The following GABRG3 variants were observed in gnomAD, a reference collection of about 807,000 sequenced individuals.
GABRG3 encodes gamma-aminobutyric acid receptor subunit gamma-3.
In GABRG3, 25 loss-of-function variants were observed where a neutral mutation model predicts 48.8. That is an observed-to-expected ratio of 0.51 (90% CI 0.37 to 0.72). The LOEUF is 0.72. Ranked by LOEUF, GABRG3 falls within the 30% of genes least tolerant of loss-of-function variation. The pLI is 0.00. For missense variants in GABRG3, 394 were observed against 577.9 expected, an observed-to-expected ratio of 0.68 and a Z score of 3.26; for synonymous variants, 227 against 217.6, an observed-to-expected ratio of 1.04 and a Z score of -0.38.
At chr15:27,194,566 C>T (rs1451277036) in intron 3 of GABRG3, among the ~76,000 whole-genome samples, 2 of 152,176 alleles carry the variant, frequency 1.3e-5, no homozygotes, top group Admixed American at 6.5e-5. Context: ...TTACTTTCAG[C>T]ACTTGAAATA....
chr15:27,029,610 G>T (rs553831475), intron 3 of GABRG3, among the ~76,000 whole-genome samples: 3 of 152,300 alleles, frequency 2.0e-5, no homozygotes, highest in Admixed American at 6.5e-5. Context: ...GTTGCTGTGT[G>T]TCTCTCTCTG....
chr15:27,525,912 A>G (rs2150864277), intron 7 of GABRG3, among the ~76,000 whole-genome samples: 1 of 152,178 alleles, frequency 6.6e-6, no homozygotes, highest in South Asian at 2.1e-4. Flanking sequence ...ATGTTTATGT[A>G]ATAAACATGT....
chr15:27,455,122 T>C (rs1889224415), intron 5 of GABRG3, among the ~76,000 whole-genome samples: 1 of 152,218 alleles, frequency 6.6e-6, no homozygotes, highest in African/African-American at 2.4e-5. Flanking sequence ...ATTCTTTTCA[T>C]TGAAGTCATT....
At chr15:26,991,994 A>C (rs977022135) in intron 2 of GABRG3, among the ~76,000 whole-genome samples, 2 of 152,138 alleles carry the variant, frequency 1.3e-5, no homozygotes, top group Admixed American at 1.3e-4. Context: ...TGCTGGGATT[A>C]AGGCATGAGC....
intron 2 of GABRG3, among the ~76,000 whole-genome samples, chr15:27,011,682 C>A (rs1416493401): frequency 6.6e-6 from 1 of 151,856 alleles, no homozygotes; most frequent in Non-Finnish European, 1.5e-5. Flanking sequence ...CCTTTTTCTA[C>A]TAAAAAATAC....
At chr15:27,417,496 A>G (rs756228683) in intron 5 of GABRG3, among the ~76,000 whole-genome samples, 2 of 151,904 alleles carry the variant, frequency 1.3e-5, no homozygotes, top group Non-Finnish European at 2.9e-5. Flanking sequence ...CATGTTTTCC[A>G]TCTCTAAAAG....
chr15:26,985,972 C>T (rs892917349), intron 2 of GABRG3, among the ~76,000 whole-genome samples: 1 of 152,074 alleles, frequency 6.6e-6, no homozygotes, highest in African/African-American at 2.4e-5. Flanking sequence ...TGGGGTCCCT[C>T]GATCCACTGT....
rs530938756 is a variant in GABRG3 at position 27,467,080 on chromosome 15, G to A, written c.575-13570G>A. Among the ~76,000 whole-genome samples, 36 of 152,228 alleles carry A rather than the reference G, an allele frequency of 2.4e-4. No homozygotes were observed. In the East Asian group the frequency reaches 3.1e-3, roughly 13 times the overall value. Reference sequence around the variant, plus strand: ...ACTGGGTGGCTTAAACCACCAACATGCATTTCTCACAGTTCTGGAGGTGGG... The same window carrying A: ...ACTGGGTGGCTTAAACCACCAACATACATTTCTCACAGTTCTGGAGGTGGG... On this transcript the variant is annotated intron_variant, in intron 5 of 9. Coordinates refer to ENST00000615808, the MANE Select transcript of GABRG3 (RefSeq NM_033223.5).
At chr15:27,272,500 A>G (rs1270672990) in intron 3 of GABRG3, among the ~76,000 whole-genome samples, 1 of 152,236 alleles carries the variant, frequency 6.6e-6, no homozygotes, top group Non-Finnish European at 1.5e-5. Flanking sequence ...AGACCTCTGC[A>G]AAGAGGTGTC....
At chr15:27,130,848 GGGT>G (rs1555405218) in intron 3 of GABRG3, among the ~76,000 whole-genome samples, 2 of 151,888 alleles carry the variant, frequency 1.3e-5, no homozygotes, top group Non-Finnish European at 2.9e-5. Context: ...AACTGATTTG[GGGT>G]GTTGACTTTG....
At chr15:27,307,182 A>G (rs1358401505) in intron 3 of GABRG3, among the ~76,000 whole-genome samples, 1 of 138,712 alleles carries the variant, frequency 7.2e-6, no homozygotes, top group African/African-American at 2.6e-5. Context: ...ATAATATATA[A>G]ACATGTTTAT....
chr15:27,146,052 A>G (rs1316523794), intron 3 of GABRG3, among the ~76,000 whole-genome samples: 6 of 152,188 alleles, frequency 3.9e-5, no homozygotes, highest in Middle Eastern at 3.2e-3. Flanking sequence ...TCCCAAATAA[A>G]AAAGAAAAAA....
intron 6 of GABRG3, among the ~76,000 whole-genome samples, chr15:27,499,951 T>C (rs909701861): frequency 2.0e-5 from 3 of 152,144 alleles, no homozygotes; most frequent in Non-Finnish European, 2.9e-5. Context: ...GCTGGGCTGC[T>C]TGAGAGCCAA....
At chr15:27,262,087 C>G (rs1890786079) in intron 3 of GABRG3, among the ~76,000 whole-genome samples, 1 of 152,144 alleles carries the variant, frequency 6.6e-6, no homozygotes, top group South Asian at 2.1e-4. Context: ...TTCATTAGAG[C>G]AGAAGTCAAT....
intron 3 of GABRG3, among the ~76,000 whole-genome samples, chr15:27,093,460 C>T (rs1897225548): frequency 6.6e-6 from 1 of 152,132 alleles, no homozygotes; most frequent in African/African-American, 2.4e-5. Flanking sequence ...TTGTTATGAG[C>T]TGCTAAGCCC....
chr15:27,198,803 A>T (rs778028041), intron 3 of GABRG3, among the ~76,000 whole-genome samples: 4 of 152,230 alleles, frequency 2.6e-5, no homozygotes, highest in Admixed American at 6.5e-5. Flanking sequence ...ACACCGTGGA[A>T]TACTGTGCAG....
chr15:27,528,378 T>C (rs1891333490), intron 9 of GABRG3, among the ~76,000 whole-genome samples: 1 of 152,264 alleles, frequency 6.6e-6, no homozygotes, highest in East Asian at 1.9e-4. Context: ...TATTATTTTA[T>C]AGGATCATTT....
intron 3 of GABRG3, among the ~76,000 whole-genome samples, chr15:27,154,382 T>A (rs1362647850): frequency 6.6e-6 from 1 of 152,156 alleles, no homozygotes; most frequent in East Asian, 1.9e-4. Context: ...CTGTGATGAA[T>A]GAGAGTTGAG....
intron 3 of GABRG3, among the ~76,000 whole-genome samples, chr15:27,312,208 A>G (rs1485958750): frequency 6.6e-6 from 1 of 152,148 alleles, no homozygotes; most frequent in African/African-American, 2.4e-5. Flanking sequence ...GAAGCAGAAG[A>G]TAGAAACAGT....
Sources: allele counts gnomAD v4.1 joint callset (sites outside exome capture counted in the v4.1 genomes callset), GRCh38; gene constraint gnomAD v4.1.1; transcripts MANE v1.5; gene names NCBI Gene and HGNC (gene_info 2026-07-23, HGNC 2026-07-21).